ANKS3: variants seen among roughly 807,000 people sequenced by gnomAD.
ANKS3 encodes ankyrin repeat and sterile alpha motif domain containing 3.
In ANKS3, 62 loss-of-function variants were observed where a neutral mutation model predicts 80.7. That is an observed-to-expected ratio of 0.77 (90% CI 0.63 to 0.95). The LOEUF (loss-of-function observed/expected upper bound fraction) is 0.95. Ranked by LOEUF, ANKS3 falls within the 40% of genes least tolerant of loss-of-function variation. The pLI is 0.00. For missense variants in ANKS3, 1,150 were observed against 883.6 expected (o/e 1.30, Z -3.82); for synonymous variants, 489 against 355.3 (o/e 1.38, Z -4.23).
intron 14 of ANKS3, 86 bp from the exon 15 acceptor site, chr16:4,698,148 G>A (rs901020447): frequency 3.5e-6 from 5 of 1,430,242 alleles, no homozygotes; most frequent in South Asian, 1.3e-5. Context: ...GGGAGGGAGG[G>A]GCTCAGCCCT....
chr16:4,699,616 T>C (rs1462529067), intron 11 of ANKS3: 2 of 194,448 alleles, frequency 1.0e-5, no homozygotes, highest in Admixed American at 1.1e-4. Context: ...GTAAGATCCG[T>C]GTTTCTGATC....
intron 7 of ANKS3, among the ~76,000 whole-genome samples, chr16:4,707,299 T>G (rs973847678): frequency 2.0e-5 from 3 of 151,120 alleles, no homozygotes; most frequent in African/African-American, 7.3e-5. Context: ...TTTTTTTTTT[T>G]GAAACAGAGT....
intron 7 of ANKS3, 97 bp downstream of exon 7, chr16:4,713,954 G>T: frequency 6.7e-7 from 1 of 1,501,494 alleles, no homozygotes; most frequent in Non-Finnish European, 9.0e-7. Context: ...AGAGAAGGTG[G>T]GAGCCGGGGA....
chr16:4,703,511 C>A (rs890091983), intron 8 of ANKS3, among the ~76,000 whole-genome samples: 11 of 151,692 alleles, frequency 7.3e-5, no homozygotes, highest in African/African-American at 9.7e-5. Context: ...ACCTCCGCCT[C>A]CCGGGTTCAA....
intron 1 of ANKS3, among the ~76,000 whole-genome samples, chr16:4,732,053 A>C (rs1484027585): frequency 6.6e-6 from 1 of 152,188 alleles, no homozygotes; most frequent in East Asian, 1.9e-4. Flanking sequence ...GCCCCAGGTG[A>C]CAGCCAAGAT....
chr16:4,706,516 A>C (rs1468053103), intron 7 of ANKS3, among the ~76,000 whole-genome samples: 10 of 152,182 alleles, frequency 6.6e-5, no homozygotes, highest in Non-Finnish European at 1.5e-4. Flanking sequence ...GCATCACAGG[A>C]GTGAGCCACA....
intron 6 of ANKS3, among the ~76,000 whole-genome samples, chr16:4,716,024 T>C (rs917093528): frequency 6.6e-5 from 10 of 152,042 alleles, no homozygotes; most frequent in African/African-American, 2.4e-4. Flanking sequence ...TGGGAGTACC[T>C]GCGGTGACAC....
At chr16:4,711,693 G>A (rs919666499) in intron 7 of ANKS3, among the ~76,000 whole-genome samples, 5 of 149,804 alleles carry the variant, frequency 3.3e-5, no homozygotes, top group African/African-American at 1.2e-4. Context: ...ACTCCAGCCT[G>A]GGGAACAAGA....
At chr16:4,701,212 G>A (rs2079882047) in intron 10 of ANKS3, 78 bp from the exon 11 acceptor site, 1 of 1,597,520 alleles carries the variant, frequency 6.3e-7, no homozygotes. Context: ...CCGCCACACA[G>A]GGGCTTGAGA....
intron 8 of ANKS3, among the ~76,000 whole-genome samples, chr16:4,704,598 C>A (rs1567330797): frequency 6.6e-6 from 1 of 152,320 alleles, no homozygotes; most frequent in East Asian, 1.9e-4. Context: ...TAGGATTCTT[C>A]ACCAGCAAGT....
chr16:4,698,139 G>T, intron 14 of ANKS3, 77 bp from the exon 15 acceptor site: 1 of 1,459,344 alleles, frequency 6.9e-7, no homozygotes, highest in Non-Finnish European at 9.4e-7. Flanking sequence ...ACCTTCTAGG[G>T]GAGGGAGGGG....
At chr16:4,727,283 G>C in intron 3 of ANKS3, 106 bp from the exon 4 acceptor site, 1 of 1,136,974 alleles carries the variant, frequency 8.8e-7, no homozygotes, top group Non-Finnish European at 1.3e-6. Flanking sequence ...ACAGGAAGCA[G>C]AAGTTATCTG....
In ANKS3 at chr16:4,729,997, C is replaced by A; in HGVS notation, c.153G>T (p.Val51=). The A allele has an allele frequency of 6.5e-7, 1 of 1,533,438 alleles. No individual in the cohort carries two copies. Among genetic ancestry groups the A allele is most frequent in the South Asian group, 1.2e-5 (1 of 80,266 alleles). The allele number at this position is 1,533,438 out of a possible 1,614,324, so 95.0% of individuals were successfully genotyped here. A position where few individuals can be genotyped will look rare whatever the true frequency, so the allele number is the denominator to read the frequency against. The part of the protein sequence containing the change: ...TAASIGQYEV[V]KECVQRRELD... ...TCTCTTACCGCTGCACACACTCCTT[C>A]ACCACTTCATACTGGCCAATGGAAG... The change falls in exon 3 of 18, where the codon GTG becomes GTT. Residue 51 remains valine (V), a synonymous_variant. Coordinates refer to ENST00000304283, the MANE Select transcript of ANKS3 (RefSeq NM_133450.4).
At chr16:4,727,513 T>C in intron 3 of ANKS3, 1 of 379,232 alleles carries the variant, frequency 2.6e-6, no homozygotes, top group South Asian at 2.4e-5. Flanking sequence ...TTCTCACAAC[T>C]GGGCAGGGAA....
chr16:4,712,101 T>A (rs2080522025), intron 7 of ANKS3, among the ~76,000 whole-genome samples: 1 of 152,230 alleles, frequency 6.6e-6, no homozygotes, highest in South Asian at 2.1e-4. Flanking sequence ...CCGGGAGCGG[T>A]GGCTCACGCC....
chr16:4,702,220 A>G lies in ANKS3; in HGVS notation c.891T>C (p.Tyr297=), dbSNP rs1168821429. 7 of 1,585,060 alleles carry G rather than the reference A, an allele frequency of 4.4e-6. No homozygotes were observed. The Admixed American group carries it at 9.0e-5, about 20-fold the overall frequency. ...TCTCGCCACTGCTGTTGAAGGTGAC[A>G]TAGCCACGGGGAGGAGCCTGCTCTG... ...PRYEQAPPRG[Y]VTFNSSGENP... is the part of the protein sequence containing the mutation. Residue 297 remains tyrosine (Y), a synonymous_variant, in exon 9 of 18, where the codon TAT becomes TAC. Coordinates refer to ENST00000304283, the MANE Select transcript of ANKS3 (RefSeq NM_133450.4).
chr16:4,725,980 G>C (rs368528928), intron 5 of ANKS3, among the ~76,000 whole-genome samples: 2 of 137,164 alleles, frequency 1.5e-5, no homozygotes, highest in African/African-American at 5.5e-5. Context: ...TGTTGTTTTT[G>C]TTTTTTTTTT....
chr16:4,732,765 G>A (rs1395119084), intron 1 of ANKS3, among the ~76,000 whole-genome samples: 4 of 149,746 alleles, frequency 2.7e-5, no homozygotes, highest in Non-Finnish European at 5.9e-5. Context: ...TTAGAGATAA[G>A]ACGTTTTAGT....
At chr16:4,707,014 GAC>G (rs140714296) in intron 7 of ANKS3, among the ~76,000 whole-genome samples, 2,863 of 152,230 alleles carry the variant, frequency 0.019, 44 homozygotes, top group Non-Finnish European at 0.03. Context: ...TAGCCATATG[GAC>G]ACACACCTCC....
Sources: gnomAD v4.1 joint callset for allele counts (sites outside exome capture counted in the v4.1 genomes callset) on GRCh38, gnomAD v4.1.1 for gene constraint, MANE v1.5 for transcripts, NCBI Gene and HGNC (gene_info 2026-07-23, HGNC 2026-07-21) for gene names.